DNAH17: variants seen among roughly 807,000 people sequenced by gnomAD.
DNAH17 encodes axonemal beta dynein heavy chain 17.
DNAH17 carries 376 observed loss-of-function variants against 485.6 expected under a neutral mutation model. The ratio of observed to expected loss-of-function variants is 0.77; its 90% CI spans 0.71 to 0.84. The LOEUF is 0.84. DNAH17 is among the 40% of genes least tolerant of loss of function. DNAH17 has a pLI of 0.00. For missense variants in DNAH17, 6,370 were observed against 5,839.3 expected (o/e 1.09, Z -2.96); for synonymous variants, 3,031 against 2,405.9 (o/e 1.26, Z -7.60).
At chr17:78,558,547 T>TGGGTGGATGACATCATCAG in intron 13 of DNAH17, among the ~76,000 whole-genome samples, 1 of 152,048 alleles carries the variant, frequency 6.6e-6, no homozygotes, top group Non-Finnish European at 1.5e-5. Context: ...GACATCATCA[T>TGGGTGGATGACATCATCAG]TGCATGTGTA....
intron 55 of DNAH17, among the ~76,000 whole-genome samples, chr17:78,467,139 C>T (rs2088508951): frequency 6.6e-6 from 1 of 152,230 alleles, no homozygotes; most frequent in African/African-American, 2.4e-5. Flanking sequence ...ACGGGCCGGG[C>T]TCCCAAGCCC....
rs1568027321 is a variant in DNAH17, at chr17:78,424,150, G to A, written c.13145C>T (p.Ala4382Val). The change falls in exon 81 of 81, where the codon GCT (alanine) becomes GTT (valine). Residue 4382 changes from alanine (A) to valine (V), a missense_variant. Coordinates refer to ENST00000389840, the MANE Select transcript of DNAH17 (RefSeq NM_173628.4). Reference sequence around the variant, plus strand: ...GACTCCAGTCTGGGTGTCCCAGCGAGCCCCTGCAGGGACAGTATGGCTGAG... The same window carrying A: ...GACTCCAGTCTGGGTGTCCCAGCGAACCCCTGCAGGGACAGTATGGCTGAG... ...SYVYGLFMEG[A>V]RWDTQTGVIA... 6.2e-7 allele frequency: 1 copy of A among 1,610,000 alleles called. No homozygotes were observed. The highest frequency in any genetic ancestry group is 1.7e-5 in the Admixed American group (1 of 59,972).
chr17:78,563,446 C>T (rs1008285254), intron 11 of DNAH17, among the ~76,000 whole-genome samples: 3 of 151,922 alleles, frequency 2.0e-5, no homozygotes, highest in South Asian at 2.1e-4. Context: ...TCCTGTAATG[C>T]GGGTAGATGT....
At chr17:78,490,633 A>T in intron 44 of DNAH17, 66 bp downstream of exon 44, 7 of 1,528,352 alleles carry the variant, frequency 4.6e-6, no homozygotes, top group Non-Finnish European at 6.2e-6. Context: ...TGCAACTCTG[A>T]AACAGGCCAA....
intron 31 of DNAH17, 93 bp downstream of exon 31, chr17:78,505,200 G>C (rs2090447797): frequency 3.9e-6 from 6 of 1,532,230 alleles, no homozygotes; most frequent in Non-Finnish European, 5.3e-6. Context: ...ACAGGGTGCT[G>C]GTTCTCCGGA....
rs187132925 is a variant in DNAH17 at position 78,436,383 on chromosome 17, G to A, written c.12033+1258C>T. On this transcript the variant is annotated intron_variant, in intron 74 of 80. Coordinates refer to ENST00000389840, the MANE Select transcript of DNAH17 (RefSeq NM_173628.4). ...GCAGAGGTGGCAGTCAGCCGAGGTT[G>A]TGCCCTTGCACTCCAGCCTGGGCAA... Among the ~76,000 whole-genome samples, 420 of 152,022 alleles carry A rather than the reference G, an allele frequency of 2.8e-3. 2 individuals carry two copies. The highest frequency in any genetic ancestry group is 9.6e-3 in the African/African-American group (398 of 41,474).
chr17:78,509,431 C>G (rs1395579615), intron 27 of DNAH17, among the ~76,000 whole-genome samples: 1 of 152,142 alleles, frequency 6.6e-6, no homozygotes, highest in Non-Finnish European at 1.5e-5. Context: ...TGAATATGTG[C>G]TGATTACACA....
In DNAH17 at chr17:78,569,515, G is replaced by T. The variant is rs759883050; in HGVS notation, c.1057C>A (p.Leu353Met). Residue 353 changes from leucine (L) to methionine (M), a missense_variant, in exon 8 of 81, where the codon CTG becomes ATG. By Grantham distance (15) the Leu-to-Met change is conservative (BLOSUM62 2). Coordinates refer to ENST00000389840, the MANE Select transcript of DNAH17 (RefSeq NM_173628.4). ...CCCTTCAGCACCTCTTCCGGGCTCA[G>T]GAAGGTTCGTGTCTGGGCAAAAGAG... ...NQIIEMTRTFLSPEEVLKGLQ... is the reference protein window; with the variant it reads ...NQIIEMTRTFMSPEEVLKGLQ... The T allele has an allele frequency of 6.2e-7, 1 of 1,606,566 alleles. No individual in the cohort carries two copies. Among genetic ancestry groups the T allele is most frequent in the South Asian group, 1.1e-5 (1 of 89,490 alleles).
At chr17:78,472,877 CTG>C in intron 54 of DNAH17, 1 of 386,182 alleles carries the variant, frequency 2.6e-6, no homozygotes, top group South Asian at 1.8e-5. Flanking sequence ...ACTATCCTTC[CTG>C]TGTCCTAGAA....
At position 78,479,544 on chromosome 17, in the gene DNAH17, A is replaced by T; in HGVS notation, c.7841T>A (p.Phe2614Tyr). 1 of 1,613,670 alleles carries T rather than the reference A, an allele frequency of 6.2e-7. No individual in the cohort carries two copies. Among genetic ancestry groups the T allele is most frequent in the Non-Finnish European group, 8.5e-7 (1 of 1,179,872 alleles). ...CTGGATAGCCATGGAGACCGAGCGG[A>T]AGGCCAGGTGCTGCGTCAGGATTGT... ...YNTILTQHLA[F>Y]RSVSMAIQRI... The change falls in exon 50 of 81, where the codon TTC becomes TAC. Residue 2614 changes from phenylalanine to tyrosine, a missense_variant. By Grantham distance (22) the Phe-to-Tyr change is conservative. Transcript: ENST00000389840.
chr17:78,553,271 C>T (rs1009618035), intron 14 of DNAH17, among the ~76,000 whole-genome samples: 10 of 133,218 alleles, frequency 7.5e-5, no homozygotes, highest in African/African-American at 2.7e-4. Context: ...TTACCCAGTC[C>T]CAGGTTTTTG....
chr17:78,472,430 C>T (rs757666208), intron 54 of DNAH17, among the ~76,000 whole-genome samples: 17 of 152,150 alleles, frequency 1.1e-4, no homozygotes, highest in African/African-American at 3.6e-4. Flanking sequence ...CCACCCCACC[C>T]GATGGCTGCT....
Position 78,530,488 on chromosome 17 carries a change from C to T in DNAH17, c.3139G>A (p.Glu1047Lys). ...EQIDSYEKLY[E>K]EVSKCENTKV... ...GTGTTCTCGCACTTGGACACCTCCT[C>T]ATACAGCTTCTCGTAGGAGTCGATC... Residue 1047 changes from glutamate to lysine, a missense_variant, in exon 21 of 81, where the codon GAG becomes AAG. Transcript: ENST00000389840. The T allele has an allele frequency of 6.2e-7, 1 of 1,610,364 alleles. No individual in the cohort carries two copies. The highest frequency in any genetic ancestry group is 8.5e-7 in the Non-Finnish European group (1 of 1,177,338).
At position 78,448,504 on chromosome 17, in the gene DNAH17, G is replaced by T. The variant is rs556105966; in HGVS notation, c.11211+910C>A. Among the ~76,000 whole-genome samples the T allele has an allele frequency of 9.2e-5, 14 of 152,270 alleles. No homozygotes were observed. In the South Asian group the frequency reaches 2.5e-3, roughly 27 times the overall value. On this transcript the variant is annotated intron_variant, in intron 69 of 80. Coordinates refer to ENST00000389840, the MANE Select transcript of DNAH17 (RefSeq NM_173628.4). Reference sequence around the variant, plus strand: ...ATTGCACCACTGCACTCTAGCCTGGGTGACAGAGTGAGATTGTCTCAAAAT... The same window carrying T: ...ATTGCACCACTGCACTCTAGCCTGGTTGACAGAGTGAGATTGTCTCAAAAT...
At position 78,571,515 on chromosome 17, in the gene DNAH17, C is replaced by T; in HGVS notation, c.732+75G>A. ...CCTCAGGACTCCTGGGAGGTTGGCA[C>T]TGGGAGGCGGAGAGCTCGGCCCGGT... On this transcript the variant is annotated intron_variant, in intron 4 of 80. Coordinates refer to ENST00000389840, the MANE Select transcript of DNAH17 (RefSeq NM_173628.4). The T allele has an allele frequency of 5.7e-6, 9 of 1,567,390 alleles. No homozygotes were observed. In the South Asian group the frequency reaches 7.8e-5, roughly 14 times the overall value.
At chr17:78,510,782 C>T (rs1598616989) in intron 26 of DNAH17, 2 of 379,854 alleles carry the variant, frequency 5.3e-6, no homozygotes, top group South Asian at 7.3e-5. Flanking sequence ...CCGCCCAGAA[C>T]CTTCACGTGT....
At chr17:78,532,440 A>C (rs761032119) in intron 20 of DNAH17, 42 bp downstream of exon 20, 80 of 1,571,262 alleles carry the variant, frequency 5.1e-5, no homozygotes, top group Non-Finnish European at 6.8e-5. Context: ...CTCCTGGAAG[A>C]CTCTGGAGAC....
intron 19 of DNAH17, among the ~76,000 whole-genome samples, chr17:78,535,592 AAT>A (rs1161541216): frequency 9.2e-5 from 14 of 152,278 alleles, no homozygotes; most frequent in African/African-American, 2.9e-4. Context: ...TCTCGCTGTA[AAT>A]ATATGTTATG....
At chr17:78,519,667 G>A (rs550790129) in intron 25 of DNAH17, among the ~76,000 whole-genome samples, 3 of 152,306 alleles carry the variant, frequency 2.0e-5, no homozygotes, top group Admixed American at 1.3e-4. Flanking sequence ...CTTTATGCTT[G>A]CTTGAATTAA....
Sources: allele counts gnomAD v4.1 joint callset (sites outside exome capture counted in the v4.1 genomes callset), GRCh38; gene constraint gnomAD v4.1.1; transcripts MANE v1.5; gene names NCBI Gene and HGNC (gene_info 2026-07-23, HGNC 2026-07-21).